HDAC4: variants seen among roughly 807,000 people sequenced by gnomAD.
HDAC4 encodes histone deacetylase A.
Under a neutral mutation model 135.1 loss-of-function variants are expected in HDAC4, and 16 were observed. That is an observed-to-expected ratio of 0.12 (90% CI 0.08 to 0.18). The LOEUF (loss-of-function observed/expected upper bound fraction) is 0.18. Among genes scored for constraint, HDAC4 ranks in the 10% least tolerant of loss-of-function variants. HDAC4 has a pLI of 1.00. For missense variants in HDAC4, 1,143 were observed against 1,511.8 expected, an observed-to-expected ratio of 0.76 and a Z score of 4.05; for synonymous variants, 685 against 653.4, an observed-to-expected ratio of 1.05 and a Z score of -0.74.
chr2:239,365,482 T>A (rs80267887), intron 1 of HDAC4, among the ~76,000 whole-genome samples: 310 of 152,348 alleles, frequency 2.0e-3, no homozygotes, highest in African/African-American at 7.3e-3. Flanking sequence ...ACCCTCTGAT[T>A]CTGGAACGTT....
chr2:239,163,785 C>T lies in HDAC4; in HGVS notation c.611+18G>A, dbSNP rs1191111471. 1 of 1,613,236 alleles carries T rather than the reference C, an allele frequency of 6.2e-7. No homozygotes were observed. Among genetic ancestry groups the T allele is most frequent in the Non-Finnish European group, 8.5e-7 (1 of 1,179,396 alleles). ...CCCCCAGAGAGGAGGCCGGGGTGCTCCCCACACCCACACTTACCCGTACCA... is the reference window on the plus strand; with the variant it reads ...CCCCCAGAGAGGAGGCCGGGGTGCTTCCCACACCCACACTTACCCGTACCA... On this transcript the variant is annotated intron_variant, in intron 6 of 26. Coordinates refer to ENST00000543185, the MANE Select transcript of HDAC4 (RefSeq NM_001378414.1).
chr2:239,315,495 C>A (rs577957465), intron 2 of HDAC4, among the ~76,000 whole-genome samples: 44 of 152,252 alleles, frequency 2.9e-4, no homozygotes, highest in Non-Finnish European at 4.9e-4. Context: ...ACCCAGCATG[C>A]CCAACCACAT....
chr2:239,387,926 C>T (rs1025771823), intron 1 of HDAC4, among the ~76,000 whole-genome samples: 2 of 152,182 alleles, frequency 1.3e-5, no homozygotes, highest in Non-Finnish European at 1.5e-5. Context: ...CTCAGATCCA[C>T]ACCCCCACCC....
chr2:239,316,752 T>G (rs1217913040), intron 2 of HDAC4, among the ~76,000 whole-genome samples: 3 of 151,784 alleles, frequency 2.0e-5, no homozygotes, highest in African/African-American at 7.3e-5. Flanking sequence ...AGTGGGCAAA[T>G]GAAAGCACAC....
At chr2:239,301,475 T>C (rs564425573) in intron 2 of HDAC4, among the ~76,000 whole-genome samples, 120 of 144,936 alleles carry the variant, frequency 8.3e-4, no homozygotes, top group African/African-American at 2.6e-3. Flanking sequence ...TTCTTTCTTT[T>C]TTTTTTTTTT....
At chr2:239,201,583 T>C (rs1250338059) in intron 3 of HDAC4, among the ~76,000 whole-genome samples, 1 of 152,144 alleles carries the variant, frequency 6.6e-6, no homozygotes, top group Non-Finnish European at 1.5e-5. Context: ...CCTGGGGCTG[T>C]GGCAGCAACC....
At chr2:239,188,606 G>A (rs542526648) in intron 4 of HDAC4, among the ~76,000 whole-genome samples, 3 of 152,224 alleles carry the variant, frequency 2.0e-5, no homozygotes, top group Non-Finnish European at 4.4e-5. Context: ...CAGTTGCCAC[G>A]AACCACGTGT....
chr2:239,282,177 TACAC>T (rs200772061), intron 2 of HDAC4, among the ~76,000 whole-genome samples: 42 of 143,546 alleles, frequency 2.9e-4, no homozygotes, highest in African/African-American at 1.1e-3. Flanking sequence ...CACACCACTC[TACAC>T]ACAATGTACA....
At position 239,068,754 on chromosome 2, in the gene HDAC4, G is replaced by T; in HGVS notation, c.2751-147C>A. On this transcript the variant is annotated intron_variant, in intron 22 of 26. Transcript: ENST00000543185. The surrounding 1 kb of genome is among the most constrained non-coding windows in gnomAD (Gnocchi z 4.4). ...GCTGAGGGCTCCACACAGCAGGCTG[G>T]AATCTGGCGACCACGCTTAATTAGA... The T allele has an allele frequency of 1.3e-6, 1 of 740,770 alleles. No homozygotes were observed. The highest frequency in any genetic ancestry group is 2.4e-6 in the Non-Finnish European group (1 of 408,286). The allele number at this position is 740,770 out of a possible 1,614,324, so 45.9% of individuals were successfully genotyped here.
At chr2:239,300,034 T>C (rs965507934) in intron 2 of HDAC4, among the ~76,000 whole-genome samples, 14 of 152,222 alleles carry the variant, frequency 9.2e-5, no homozygotes, top group Non-Finnish European at 1.8e-4. Flanking sequence ...AGGGCATTTC[T>C]GCTCCTTGTG....
At chr2:239,319,021 C>A (rs1014560051) in intron 2 of HDAC4, among the ~76,000 whole-genome samples, 9 of 152,140 alleles carry the variant, frequency 5.9e-5, no homozygotes, top group Non-Finnish European at 1.0e-4. Flanking sequence ...AGAGCAGCTG[C>A]CTCCCCAGCA....
At chr2:239,256,234 G>GCCTCCTA (rs1205311950) in intron 2 of HDAC4, among the ~76,000 whole-genome samples, 11 of 152,330 alleles carry the variant, frequency 7.2e-5, no homozygotes, top group African/African-American at 2.6e-4. Flanking sequence ...CTCCTTCTAG[G>GCCTCCTA]AGGCTTCTTT....
intron 3 of HDAC4, among the ~76,000 whole-genome samples, chr2:239,197,767 A>T (rs76384992): frequency 0.11 from 16,138 of 151,854 alleles, 1,225 homozygotes; most frequent in Non-Finnish European, 0.15. Flanking sequence ...TTCTTTTTTT[A>T]AAATGTCATC....
At chr2:239,205,695 G>A (rs1257438004) in intron 3 of HDAC4, among the ~76,000 whole-genome samples, 1 of 151,824 alleles carries the variant, frequency 6.6e-6, no homozygotes, top group Non-Finnish European at 1.5e-5. Flanking sequence ...AAGAGGAGGA[G>A]GAGGAGGAGG....
chr2:239,078,932 G>A (rs2035031159), intron 22 of HDAC4, among the ~76,000 whole-genome samples: 2 of 152,238 alleles, frequency 1.3e-5, no homozygotes, highest in Admixed American at 6.5e-5. Context: ...GGAAAGCCCT[G>A]CCTTCTCTCT....
intron 24 of HDAC4, among the ~76,000 whole-genome samples, chr2:239,060,543 A>G (rs1432373827): frequency 6.6e-6 from 1 of 152,230 alleles, no homozygotes; most frequent in African/African-American, 2.4e-5. Flanking sequence ...GGAGCCCTGC[A>G]GAGGGGCCAG....
chr2:239,322,435 C>T (rs929869022), intron 2 of HDAC4, among the ~76,000 whole-genome samples: 8 of 152,364 alleles, frequency 5.3e-5, no homozygotes, highest in African/African-American at 1.7e-4. Flanking sequence ...TAGGACCCAT[C>T]CGTAGGCTGT....
At chr2:239,281,027 T>G (rs1279690983) in intron 2 of HDAC4, among the ~76,000 whole-genome samples, 1 of 124,166 alleles carries the variant, frequency 8.1e-6, no homozygotes, top group Non-Finnish European at 1.7e-5. Context: ...CACACCACTC[T>G]CAATGTACAT....
chr2:239,265,714 G>A (rs928772751), intron 2 of HDAC4, among the ~76,000 whole-genome samples: 1 of 152,252 alleles, frequency 6.6e-6, no homozygotes, highest in South Asian at 2.1e-4. Context: ...GCTGGGTGCA[G>A]GCTCAAGGTC....
Sources: gnomAD v4.1 joint callset for allele counts (sites outside exome capture counted in the v4.1 genomes callset) on GRCh38, gnomAD v4.1.1 for gene constraint, Gnocchi (gnomAD v3.1) non-coding constraint, MANE v1.5 for transcripts, NCBI Gene and HGNC (gene_info 2026-07-23, HGNC 2026-07-21) for gene names.